Variants in ARHGAP39 observed in about 807,000 individuals in gnomAD.
ARHGAP39 encodes the protein Rho GTPase activating protein 39.
Under a neutral mutation model 106.9 loss-of-function variants are expected in ARHGAP39, and 44 were observed. The observed-to-expected ratio is 0.41, with a 90% CI of 0.32 to 0.53. ARHGAP39 has a LOEUF of 0.53. Ranked by LOEUF, ARHGAP39 falls within the 20% of genes least tolerant of loss-of-function variation. The pLI is 0.21. For missense variants in ARHGAP39, 1,496 were observed against 1,577.3 expected (o/e 0.95, Z 0.87); for synonymous variants, 768 against 693.2 (o/e 1.11, Z -1.69).
chr8:144,691,855 C>T, the ARHGAP39 span, among the ~76,000 whole-genome samples: 3 of 151,758 alleles, frequency 2.0e-5, no homozygotes, highest in Non-Finnish European at 2.9e-5. Flanking sequence ...GGCCATTAAG[C>T]GGCGGGGTGG....
At chr8:144,678,270 TA>T (rs1186486280) in intron 1 of ARHGAP39, among the ~76,000 whole-genome samples, 304 of 137,062 alleles carry the variant, frequency 2.2e-3, no homozygotes, top group Admixed American at 2.6e-3. Context: ...ACTCTCTCTC[TA>T]AAAAAAAAAA....
chr8:144,591,869 G>C lies in ARHGAP39; in HGVS notation c.81-10592C>G, dbSNP rs756040629. Among the ~76,000 whole-genome samples, 6 of 152,154 alleles carry C rather than the reference G, an allele frequency of 3.9e-5. No individual in the cohort carries two copies. Among genetic ancestry groups the C allele is most frequent in the African/African-American group, 1.2e-4 (5 of 41,432 alleles). On this transcript the variant is annotated intron_variant, in intron 2 of 11. Transcript: ENST00000377307. The surrounding 1 kb of genome is among the most constrained non-coding windows in gnomAD (Gnocchi z 5.3). ...TTCCCCTGGATGGCGGCGTCGCCTCGTCGCCTCGTGCCTGCGGGGAGTGCT... is the reference window on the plus strand; with the variant it reads ...TTCCCCTGGATGGCGGCGTCGCCTCCTCGCCTCGTGCCTGCGGGGAGTGCT...
At chr8:144,635,997 G>A (rs1586629705) in intron 1 of ARHGAP39, among the ~76,000 whole-genome samples, 1 of 83,938 alleles carries the variant, frequency 1.2e-5, no homozygotes, top group East Asian at 4.6e-4. Context: ...TTAGAGGGGG[G>A]CTGAGGCTAC....
intron 7 of ARHGAP39, among the ~76,000 whole-genome samples, chr8:144,536,731 C>A (rs942568079): frequency 2.0e-4 from 31 of 152,234 alleles, no homozygotes; most frequent in African/African-American, 7.5e-4. Flanking sequence ...GAGGACAAGT[C>A]CCTAGCCCAG....
upstream of ARHGAP39, among the ~76,000 whole-genome samples, chr8:144,688,102 ACT>A (rs202022184): frequency 8.0e-3 from 1,190 of 148,308 alleles, 13 homozygotes; most frequent in African/African-American, 0.023. Context: ...AGGACATTTA[ACT>A]CTTTTTTTTT....
intron 1 of ARHGAP39, among the ~76,000 whole-genome samples, chr8:144,634,207 G>A (rs1197572278): frequency 1.9e-4 from 22 of 117,310 alleles, no homozygotes; most frequent in South Asian, 3.5e-4. Flanking sequence ...CTCTGCAGGC[G>A]CAGTCTCCAC....
At chr8:144,569,282 G>A (rs1244857453) in intron 3 of ARHGAP39, among the ~76,000 whole-genome samples, 3 of 152,150 alleles carry the variant, frequency 2.0e-5, no homozygotes, top group African/African-American at 7.2e-5. Flanking sequence ...TAACTACAGA[G>A]CCTCAAAATA....
At chr8:144,682,772 A>T (rs551498936) in intron 1 of ARHGAP39, among the ~76,000 whole-genome samples, 21 of 152,334 alleles carry the variant, frequency 1.4e-4, no homozygotes, top group Admixed American at 1.2e-3. Context: ...ATACTTTGGG[A>T]AGCCAAGGCA....
At chr8:144,554,591 G>A (rs1817844975) in intron 4 of ARHGAP39, among the ~76,000 whole-genome samples, 1 of 152,314 alleles carries the variant, frequency 6.6e-6, no homozygotes, top group South Asian at 2.1e-4. Context: ...CAAGGCTGGT[G>A]ACCAGAGCCA....
intron 3 of ARHGAP39, among the ~76,000 whole-genome samples, chr8:144,566,229 C>G (rs1818390983): frequency 6.6e-6 from 1 of 152,182 alleles, no homozygotes; most frequent in African/African-American, 2.4e-5. Context: ...ACATAAACCC[C>G]TATCTTAATC....
In ARHGAP39 at chr8:144,533,278, G is replaced by A. The variant is rs772300953; in HGVS notation, c.2736C>T (p.Ala912=). ...NVEEIRHAKN[A]VFSPSMFGSA... ...TGCCGAACATGGACGGGCTGAACACGGCGTTCTTGGCATGCCGGATCTCCT... is the reference window on the plus strand; with the variant it reads ...TGCCGAACATGGACGGGCTGAACACAGCGTTCTTGGCATGCCGGATCTCCT... Residue 912 remains alanine, a synonymous_variant, in exon 9 of 12, where the codon GCC becomes GCT. Coordinates refer to ENST00000377307, the MANE Select transcript of ARHGAP39 (RefSeq NM_025251.3). 1.1e-5 allele frequency: 17 copies of A among 1,613,002 alleles called. No individual in the cohort carries two copies. The highest frequency in any genetic ancestry group is 2.7e-5 in the African/African-American group (2 of 74,916).
chr8:144,531,082 G>A (rs1816691286), intron 10 of ARHGAP39, among the ~76,000 whole-genome samples: 1 of 152,250 alleles, frequency 6.6e-6, no homozygotes, highest in Non-Finnish European at 1.5e-5. Context: ...GGAGGCATGT[G>A]GGTCACGCCA....
At chr8:144,561,799 CCCCAGTGCTTTCCATCACAT>C (rs1374246094) in intron 3 of ARHGAP39, among the ~76,000 whole-genome samples, 1 of 148,654 alleles carries the variant, frequency 6.7e-6, no homozygotes, top group Non-Finnish European at 1.5e-5. Flanking sequence ...TTCCATCGGA[CCCCAGTGCTTTCCATCACAT>C]CCCAGTGGTT....
intron 3 of ARHGAP39, among the ~76,000 whole-genome samples, chr8:144,567,111 G>A (rs886505888): frequency 6.6e-6 from 1 of 152,166 alleles, no homozygotes; most frequent in Non-Finnish European, 1.5e-5. Flanking sequence ...GGCACGAGCT[G>A]TTCCAGTATG....
chr8:144,687,687 A>AC (rs768071453), upstream of ARHGAP39, among the ~76,000 whole-genome samples: 74 of 18,572 alleles, frequency 4.0e-3, no homozygotes, highest in Admixed American at 5.7e-3. Context: ...AGCACTTCCC[A>AC]CCCCGTGACC....
intron 1 of ARHGAP39, among the ~76,000 whole-genome samples, chr8:144,668,339 G>T (rs917867634): frequency 1.3e-5 from 2 of 152,192 alleles, no homozygotes; most frequent in African/African-American, 2.4e-5. Context: ...TACTCAGGAG[G>T]CTGAGGTGGG....
At chr8:144,665,926 C>T (rs1821952291) in intron 1 of ARHGAP39, among the ~76,000 whole-genome samples, 1 of 152,166 alleles carries the variant, frequency 6.6e-6, no homozygotes, top group African/African-American at 2.4e-5. Context: ...GTAGATCCAC[C>T]AACAGCTTGC....
At chr8:144,654,283 C>T (rs1051892061) in intron 1 of ARHGAP39, among the ~76,000 whole-genome samples, 27 of 152,104 alleles carry the variant, frequency 1.8e-4, no homozygotes, top group African/African-American at 6.3e-4. Context: ...GGCAAGTGGA[C>T]TGCTTGAGCC....
the ARHGAP39 span, among the ~76,000 whole-genome samples, chr8:144,696,431 C>G: frequency 7.0e-3 from 1,066 of 152,280 alleles, 10 homozygotes; most frequent in Non-Finnish European, 0.011. Flanking sequence ...AGCCACCGCA[C>G]CTGGCCGTGC....
Sources: allele counts gnomAD v4.1 joint callset (sites outside exome capture counted in the v4.1 genomes callset), GRCh38; gene constraint gnomAD v4.1.1; non-coding constraint Gnocchi (gnomAD v3.1); transcripts MANE v1.5; gene names NCBI Gene and HGNC (gene_info 2026-07-23, HGNC 2026-07-21).